Variants in GGT6 observed in about 807,000 individuals in gnomAD.
GGT6 encodes the protein gamma-glutamyltransferase 6.
In GGT6, 13 loss-of-function variants were observed where a neutral mutation model predicts 17.0. The ratio of observed to expected loss-of-function variants is 0.77; its 90% CI spans 0.50 to 1.22. The LOEUF is 1.22. GGT6 is among the 50% of genes most tolerant of loss of function. The probability of loss-of-function intolerance (pLI) is 0.00; values close to 1 mark genes in which losing one functional copy is unlikely to be tolerated. For missense variants in GGT6, 628 were observed against 643.7 expected, an observed-to-expected ratio of 0.98 and a Z score of 0.26; for synonymous variants, 305 against 297.9, an observed-to-expected ratio of 1.02 and a Z score of -0.25.
chr17:4,557,961 C>T lies in GGT6; in HGVS notation c.*54G>A. ...CCATTGCTGCTGTGTCTGCTCTGCT[C>T]CTGCCCCCATGCTTCAGATAACTCT... is the stretch of plus-strand genomic sequence containing the variant. On this transcript the variant is annotated 3_prime_UTR_variant, in exon 4 of 4. Transcript: ENST00000381550. The T allele has an allele frequency of 8.2e-7, 1 of 1,215,222 alleles. No individual in the cohort carries two copies. Among genetic ancestry groups the T allele is most frequent in the Non-Finnish European group, 1.1e-6 (1 of 882,578 alleles). 75.3% of individuals were successfully genotyped at this position (1,215,222 alleles called of 1,614,324 possible).
Position 4,558,924 on chromosome 17 carries a change from T to A in GGT6, c.591A>T (p.Ala197=). 1 of 1,549,410 alleles carries A rather than the reference T, an allele frequency of 6.5e-7. No individual in the cohort carries two copies. Residue 197 remains alanine, a synonymous_variant, in exon 4 of 4, where the codon GCA becomes GCT. Transcript: ENST00000381550. ...GTGGCCAGGGCAGGCGGCCGAAGCG[T>A]GCATGCAGCAGGTGCAGGGTGGGCA... The part of the protein sequence containing the change: ...AALPTLHLLH[A]RFGRLPWPRL...
At position 4,558,487 on chromosome 17, in the gene GGT6, G is replaced by A. The variant is rs778680646; in HGVS notation, c.1028C>T (p.Pro343Leu). The part of the protein sequence containing the change: ...ALRSGAPIPD[P>L]CPPFLQTAVS... ...AGCAGTCTGCAGGAACGGTGGGCAGGGGTCAGGGATGGGCGCCCCGGAGCG... is the reference window on the plus strand; with the variant it reads ...AGCAGTCTGCAGGAACGGTGGGCAGAGGTCAGGGATGGGCGCCCCGGAGCG... The change falls in exon 4 of 4, where the codon CCC becomes CTC. Residue 343 changes from proline (P) to leucine (L), a missense_variant. Coordinates refer to ENST00000381550, the MANE Select transcript of GGT6 (RefSeq NM_001288702.2). 1.2e-6 allele frequency: 2 copies of A among 1,608,104 alleles called. No homozygotes were observed. The highest frequency in any genetic ancestry group is 2.2e-5 in the South Asian group (2 of 90,696).
In GGT6 at chr17:4,559,008, C is replaced by T. The variant is rs1235989016; in HGVS notation, c.507G>A (p.Thr169=). The T allele has an allele frequency of 2.0e-5, 31 of 1,544,482 alleles. No individual in the cohort carries two copies. The highest frequency in any genetic ancestry group is 2.2e-5 in the Non-Finnish European group (25 of 1,146,970). Reference sequence around the variant, plus strand: ...TCTGTGCTGGGCCTGATGTCAGGGCCGTGGAATTGCCTGAGGAGCTATCGT... The same window carrying T: ...TCTGTGCTGGGCCTGATGTCAGGGCTGTGGAATTGCCTGAGGAGCTATCGT... The part of the protein sequence containing the change: ...LFHDSSSGNS[T]ALTSGPAQTL... The change falls in exon 4 of 4, where the codon ACG becomes ACA. Residue 169 remains threonine (T), a synonymous_variant. Transcript: ENST00000381550.
At chr17:4,559,806 C>T (rs760239453) in intron 1 of GGT6, 46 bp from the exon 2 acceptor site, 7 of 1,534,414 alleles carry the variant, frequency 4.6e-6, no homozygotes, top group Non-Finnish European at 5.4e-6. Context: ...CAGAGGGATG[C>T]CCAAGGACCC....
downstream of GGT6, chr17:4,556,882 G>A (rs928423341): frequency 7.9e-5 from 12 of 152,254 alleles, no homozygotes; most frequent in African/African-American, 2.4e-4. Context: ...GACTCCAGTT[G>A]CTTCAAAAGC....
In GGT6 at chr17:4,558,461, C is replaced by T. The variant is rs774169422; in HGVS notation, c.1054G>A (p.Val352Met). The change falls in exon 4 of 4, where the codon GTG becomes ATG. Residue 352 changes from valine to methionine, a missense_variant. Physicochemically the swap from Val to Met is conservative, Grantham distance 21. Transcript: ENST00000381550. ...GCCAGGGCACTGCTCTCGGGGCTCA[C>T]AGCAGTCTGCAGGAACGGTGGGCAG... is the stretch of plus-strand genomic sequence containing the variant. ...DPCPPFLQTA[V>M]SPESSALAAV... 3 of 1,607,934 alleles carry T rather than the reference C, an allele frequency of 1.9e-6. No individual in the cohort carries two copies. The highest frequency in any genetic ancestry group is 1.7e-6 in the Non-Finnish European group (2 of 1,179,680).
At position 4,558,231 on chromosome 17, in the gene GGT6, C is replaced by G. The variant is rs1434332443; in HGVS notation, c.1284G>C (p.Gly428=). ...EADVLGLVAS[G]TPDVARAMTH... Reference sequence around the variant, plus strand: ...TCATGGCCCTGGCCACATCAGGGGTCCCTGAAGCCACAAGCCCCAACACAT... The same window carrying G: ...TCATGGCCCTGGCCACATCAGGGGTGCCTGAAGCCACAAGCCCCAACACAT... The change falls in exon 4 of 4, where the codon GGG becomes GGC. Residue 428 remains glycine (G), a synonymous_variant. Coordinates refer to ENST00000381550, the MANE Select transcript of GGT6 (RefSeq NM_001288702.2). The G allele has an allele frequency of 6.2e-6, 10 of 1,614,176 alleles. No homozygotes were observed.
At chr17:4,556,603 G>T (rs186118027), downstream of GGT6, among the ~76,000 whole-genome samples, 2 of 152,300 alleles carry the variant, frequency 1.3e-5, no homozygotes, top group Admixed American at 6.5e-5. Context: ...CCTAACCCTT[G>T]GGGGAGGTCA....
rs758198689 is a variant in GGT6 at position 4,558,313 on chromosome 17, G to T, written c.1202C>A (p.Thr401Asn). Residue 401 changes from threonine to asparagine, a missense_variant, in exon 4 of 4, where the codon ACT (threonine) becomes AAT (asparagine). Thr to Asn is a moderately conservative substitution (Grantham distance 65, BLOSUM62 0). Transcript: ENST00000381550. ...GATGAGGGGGCAGGCCCAGGCACTA[G>T]TGGTAGACTTGGCCACCAGGTTGCT... ...LLSNLVAKST[T>N]SAWACPLILR... The T allele has an allele frequency of 1.2e-6, 2 of 1,612,602 alleles. No individual in the cohort carries two copies. The highest frequency in any genetic ancestry group is 1.7e-6 in the Non-Finnish European group (2 of 1,180,036).
In GGT6 at chr17:4,559,463, C is replaced by T. The variant is rs747578718; in HGVS notation, c.344-7G>A. 7.7e-5 allele frequency: 120 copies of T among 1,556,850 alleles called. No individual in the cohort carries two copies. Among genetic ancestry groups the T allele is most frequent in the Non-Finnish European group, 1.0e-4 (117 of 1,149,818 alleles). On this transcript the variant is annotated splice_polypyrimidine_tract_variant and splice_region_variant and intron_variant, in intron 2 of 3. Transcript: ENST00000381550. The stretch of plus-strand genomic sequence containing the variant: ...CCTAGGTGGGAGCATGTGGCTGCAG[C>T]AAGGAAGGCACTGTCATGCAGCAAG...
At chr17:4,556,353 G>C (rs1908113086), downstream of GGT6, among the ~76,000 whole-genome samples, 1 of 152,126 alleles carries the variant, frequency 6.6e-6, no homozygotes, top group African/African-American at 2.4e-5. Flanking sequence ...GGGTGATGGA[G>C]TTAGATGTCG....
At position 4,558,361 on chromosome 17, in the gene GGT6, G is replaced by A. The variant is rs1908323242; in HGVS notation, c.1154C>T (p.Ser385Phe). The A allele has an allele frequency of 1.2e-6, 2 of 1,607,300 alleles. No homozygotes were observed. Among genetic ancestry groups the A allele is most frequent in the Middle Eastern group, 1.6e-4 (1 of 6,062 alleles). The change falls in exon 4 of 4, where the codon TCC (serine) becomes TTC (phenylalanine). Residue 385 changes from serine (S) to phenylalanine (F), a missense_variant. Physicochemically the swap from Ser to Phe is radical, Grantham distance 155. Coordinates refer to ENST00000381550, the MANE Select transcript of GGT6 (RefSeq NM_001288702.2). ...LNCSFGSAHL[S>F]PSTGVLLSNL... is the part of the protein sequence containing the mutation. The stretch of plus-strand genomic sequence containing the variant: ...GCTGAGCAGAACCCCAGTGCTTGGG[G>A]ACAGGTGTGCAGAGCCAAAGGAGCA...
At chr17:4,559,164 C>G (rs1908438031) in intron 3 of GGT6, 107 bp from the exon 4 acceptor site, 1 of 1,428,368 alleles carries the variant, frequency 7.0e-7, no homozygotes, top group Non-Finnish European at 9.5e-7. Flanking sequence ...CTGACCAGGC[C>G]TGAGGTCAAA....
At position 4,558,092 on chromosome 17, in the gene GGT6, G is replaced by A; in HGVS notation, c.1423C>T (p.Leu475Phe). The A allele has an allele frequency of 1.2e-6, 2 of 1,607,358 alleles. No homozygotes were observed. Among genetic ancestry groups the A allele is most frequent in the Non-Finnish European group, 1.7e-6 (2 of 1,176,194 alleles). ...HPSTCGQGTL[L>F]QVAAHTEHAH... ...TGCTCTGTGTGGGCTGCCACCTGGA[G>A]CAGGGTCCCTTGGCCACAAGTGCTG... The change falls in exon 4 of 4, where the codon CTC (leucine) becomes TTC (phenylalanine). Residue 475 changes from leucine to phenylalanine, a missense_variant. Leu to Phe is a conservative substitution (Grantham distance 22). Transcript: ENST00000381550.
Position 4,558,777 on chromosome 17 carries a change from C to T in GGT6, c.738G>A (p.Gly246=). Residue 246 remains glycine (G), a synonymous_variant, in exon 4 of 4, where the codon GGG becomes GGA. Transcript: ENST00000381550. ...CTCGGGCCCCAGCGCCCAGGGGTGT[C>T]CCATCAGCATGGCAAAGTAGTGGAC... The part of the protein sequence containing the change: ...GLCPLLCHAD[G]TPLGAGARAT... 1 of 1,568,270 alleles carries T rather than the reference C, an allele frequency of 6.4e-7. No homozygotes were observed. The highest frequency in any genetic ancestry group is 8.6e-7 in the Non-Finnish European group (1 of 1,157,050).
At position 4,558,655 on chromosome 17, in the gene GGT6, T is replaced by C. The variant is rs1908362988; in HGVS notation, c.860A>G (p.Asp287Gly). The C allele has an allele frequency of 1.3e-6, 2 of 1,581,752 alleles. No homozygotes were observed. The highest frequency in any genetic ancestry group is 1.7e-4 in the Middle Eastern group (1 of 5,878). The change falls in exon 4 of 4, where the codon GAC (aspartate) becomes GGC (glycine). Residue 287 changes from aspartate (D) to glycine (G), a missense_variant. By Grantham distance (94) the Asp-to-Gly change is moderately conservative. Coordinates refer to ENST00000381550, the MANE Select transcript of GGT6 (RefSeq NM_001288702.2). ...GDALLSLLAG[D>G]LGVEVPSAVP... ...AGCCGAGGGCACCTCCACCCCCAGGTCTCCCGCCAGTAGACTCAGTAGAGC... is the reference window on the plus strand; with the variant it reads ...AGCCGAGGGCACCTCCACCCCCAGGCCTCCCGCCAGTAGACTCAGTAGAGC...
chr17:4,559,634 G>A lies in GGT6; in HGVS notation c.267C>T (p.Gly89=). ...GTCCGCCGGGTGGAGGGGCCACAGA[G>A]CCCAAGCTTCCTGTCGACCTGCCCT... The part of the protein sequence containing the change: ...QNQGRSTGSL[G]SVAPPPGGHS... The change falls in exon 2 of 4, where the codon GGC becomes GGT. Residue 89 remains glycine (G), a synonymous_variant. Coordinates refer to ENST00000381550, the MANE Select transcript of GGT6 (RefSeq NM_001288702.2). The A allele has an allele frequency of 6.2e-7, 1 of 1,613,724 alleles. No homozygotes were observed. Among genetic ancestry groups the A allele is most frequent in the Non-Finnish European group, 8.5e-7 (1 of 1,180,000 alleles).
In GGT6 at chr17:4,558,319, G is replaced by C; in HGVS notation, c.1196C>G (p.Ser399Cys). 6.2e-7 allele frequency: 1 copy of C among 1,612,104 alleles called. No individual in the cohort carries two copies. The highest frequency in any genetic ancestry group is 8.5e-7 in the Non-Finnish European group (1 of 1,180,036). ...GVLLSNLVAK[S>C]TTSAWACPLI... is the part of the protein sequence containing the mutation. ...GGGGCAGGCCCAGGCACTAGTGGTA[G>C]ACTTGGCCACCAGGTTGCTGAGCAG... The change falls in exon 4 of 4, where the codon TCT becomes TGT. Residue 399 changes from serine (S) to cysteine (C), a missense_variant. Coordinates refer to ENST00000381550, the MANE Select transcript of GGT6 (RefSeq NM_001288702.2).
In GGT6 at chr17:4,559,089, G is replaced by T. The variant is rs942976187; in HGVS notation, c.458-32C>A. ...GAGACAGAGGGGTCCCTCAGCAGCC[G>T]CAGGTCAAGGGTCACTGACTTGTTT... is the stretch of plus-strand genomic sequence containing the variant. On this transcript the variant is annotated intron_variant, in intron 3 of 3. Coordinates refer to ENST00000381550, the MANE Select transcript of GGT6 (RefSeq NM_001288702.2). 7 of 1,538,926 alleles carry T rather than the reference G, an allele frequency of 4.5e-6. No homozygotes were observed. The African/African-American group carries it at 5.5e-5, about 12-fold the overall frequency.
Sources: allele counts gnomAD v4.1 joint callset (sites outside exome capture counted in the v4.1 genomes callset), GRCh38; gene constraint gnomAD v4.1.1; transcripts MANE v1.5; gene names NCBI Gene and HGNC (gene_info 2026-07-23, HGNC 2026-07-21).